Variants in SLC25A23 observed in about 807,000 individuals in gnomAD.
The protein encoded by SLC25A23 is solute carrier family 25 member 23.
SLC25A23 carries 32 observed loss-of-function variants against 53.9 expected under a neutral mutation model. That is an observed-to-expected ratio of 0.59 (90% CI 0.45 to 0.80). The LOEUF is 0.80. Among genes scored for constraint, SLC25A23 ranks in the 30% least tolerant of loss-of-function variants. SLC25A23 has a pLI of 0.00. For synonymous variants in SLC25A23, 275 were observed against 264.5 expected, an observed-to-expected ratio of 1.04 and a Z score of -0.38; for missense variants, 575 against 651.4, an observed-to-expected ratio of 0.88 and a Z score of 1.28.
At position 6,456,134 on chromosome 19, in the gene SLC25A23, G is replaced by A. The variant is rs1447140622; in HGVS notation, c.483+286C>T. On this transcript the variant is annotated intron_variant, in intron 4 of 9. Transcript: ENST00000301454. ...TGGGAGGCCTTGTACCCCATCTGGT[G>A]AGCTCTTTCTTCCCTGTACCCGCAA... 5 of 1,428,464 alleles carry A rather than the reference G, an allele frequency of 3.5e-6. No homozygotes were observed. In the East Asian group the frequency reaches 1.2e-4, roughly 35 times the overall value. The allele number at this position is 1,428,464 out of a possible 1,614,324, so 88.5% of individuals were successfully genotyped here.
At position 6,456,491 on chromosome 19, in the gene SLC25A23, A is replaced by C; in HGVS notation, c.412T>G (p.Trp138Gly). Residue 138 changes from tryptophan to glycine, a missense_variant, in exon 4 of 10, where the codon TGG (tryptophan) becomes GGG (glycine). By Grantham distance (184) the Trp-to-Gly change is radical. Transcript: ENST00000301454. Reference sequence around the variant, plus strand: ...GAATGCAACAGGAAGTGGTCGCGCCATTCTTGCCAGTCAATGGTCATTGTG... The same window carrying C: ...GAATGCAACAGGAAGTGGTCGCGCCCTTCTTGCCAGTCAATGGTCATTGTG... ...DGTMTIDWQE[W>G]RDHFLLHSLE... is the part of the protein sequence containing the mutation. 1 of 1,613,396 alleles carries C rather than the reference A, an allele frequency of 6.2e-7. No homozygotes were observed. The highest frequency in any genetic ancestry group is 1.1e-5 in the South Asian group (1 of 91,048).
At chr19:6,444,932 G>T (rs769594545) in intron 8 of SLC25A23, among the ~76,000 whole-genome samples, 19 of 152,056 alleles carry the variant, frequency 1.2e-4, no homozygotes, top group South Asian at 4.1e-4. Context: ...CTCTCAAAGT[G>T]CTGGGATTAC....
rs369142939 is a variant in SLC25A23, at chr19:6,457,620, T to C, written c.284-30A>G. On this transcript the variant is annotated intron_variant, in intron 2 of 9. Coordinates refer to ENST00000301454, the MANE Select transcript of SLC25A23 (RefSeq NM_024103.3). ...GGAGGGGGCCGGAGGTGGGGAAGGA[T>C]GTGCGTGTGAGGACACCTGGGGAAC... is the stretch of plus-strand genomic sequence containing the variant. The C allele has an allele frequency of 8.1e-6, 13 of 1,600,506 alleles. No individual in the cohort carries two copies. In the African/African-American group the frequency reaches 1.6e-4, roughly 20 times the overall value.
chr19:6,436,508 A>AGC (rs1332555156), downstream of SLC25A23: 1 of 455,080 alleles, frequency 2.2e-6, no homozygotes, highest in African/African-American at 2.0e-5. Context: ...AGAGAGAGAG[A>AGC]GAGAGCATGT....
chr19:6,456,337 T>C (rs1043995144), intron 4 of SLC25A23, 83 bp downstream of exon 4: 28 of 1,397,028 alleles, frequency 2.0e-5, no homozygotes, highest in Non-Finnish European at 2.6e-5. Context: ...GTCCAGCCCA[T>C]CCAAGCCCTG....
In SLC25A23 at chr19:6,454,548, G is replaced by C; in HGVS notation, c.642+11C>G. 1 of 1,613,430 alleles carries C rather than the reference G, an allele frequency of 6.2e-7. No homozygotes were observed. Among genetic ancestry groups the C allele is most frequent in the East Asian group, 2.2e-5 (1 of 44,864 alleles). ...CTGGGGGAGGGGGCAGGTCTCTCCA[G>C]AGCCCCTCACCTGCATGAAGACCTT... On this transcript the variant is annotated intron_variant, in intron 5 of 9. Transcript: ENST00000301454. The surrounding 1 kb of genome is among the most constrained non-coding windows in gnomAD (Gnocchi z 4.3).
intron 1 of SLC25A23, among the ~76,000 whole-genome samples, chr19:6,458,856 G>C (rs745770326): frequency 6.6e-6 from 1 of 152,180 alleles, no homozygotes; most frequent in Non-Finnish European, 1.5e-5. Flanking sequence ...TCTCAGGGTT[G>C]CTGTGGTTCT....
rs768536246 is a variant in SLC25A23 at position 6,459,548 on chromosome 19, G to A, written c.81C>T (p.Gly27=). 1.9e-6 allele frequency: 3 copies of A among 1,598,962 alleles called. No individual in the cohort carries two copies. The East Asian group carries it at 6.8e-5, about 36-fold the overall frequency. Residue 27 remains glycine, a synonymous_variant, in exon 1 of 10, where the codon GGC becomes GGT. Coordinates refer to ENST00000301454, the MANE Select transcript of SLC25A23 (RefSeq NM_024103.3). This position sits in a 1 kb window ranked among gnomAD's most constrained non-coding sequence, Gnocchi z 4.6. ...LFEELDSNKD[G]RVDVHELRQG... The stretch of plus-strand genomic sequence containing the variant: ...GGCGCAACTCGTGCACGTCCACGCG[G>A]CCATCCTTGTTACTGTCCAGCTCCT...
downstream of SLC25A23, chr19:6,436,465 C>A (rs1330193780): frequency 2.2e-6 from 1 of 456,108 alleles, no homozygotes; most frequent in South Asian, 1.5e-5. Context: ...TGACCACCGG[C>A]TTCCTCCAGA....
At chr19:6,439,393 T>TCACACACA (rs1336047683), downstream of SLC25A23, among the ~76,000 whole-genome samples, 2 of 129,426 alleles carry the variant, frequency 1.5e-5, no homozygotes, top group African/African-American at 3.7e-5. Context: ...TATCTCTCTC[T>TCACACACA]CTCTCTCACA....
chr19:6,459,608 G>C lies in SLC25A23; in HGVS notation c.21C>G (p.Asp7Glu). ...GACCCCAGCGCTGCCGCCGCTCCGC[G>C]TCGCCCGGGCTCCCCCGCATGGCGC... is the stretch of plus-strand genomic sequence containing the variant. MRGSPG[D>E]AERRQRWGRL... is the part of the protein sequence containing the mutation. Residue 7 changes from aspartate (D) to glutamate (E), a missense_variant, in exon 1 of 10, where the codon GAC (aspartate) becomes GAG (glutamate). Physicochemically the swap from Asp to Glu is conservative, Grantham distance 45. Transcript: ENST00000301454. The surrounding 1 kb of genome is among the most constrained non-coding windows in gnomAD (Gnocchi z 4.6). 5.9e-6 allele frequency: 9 copies of C among 1,527,564 alleles called. No homozygotes were observed. Among genetic ancestry groups the C allele is most frequent in the Non-Finnish European group, 7.9e-6 (9 of 1,143,796 alleles). The allele number at this position is 1,527,564 out of a possible 1,614,324, so 94.6% of individuals were successfully genotyped here. A position where few individuals can be genotyped will look rare whatever the true frequency, so the allele number is the denominator to read the frequency against.
At chr19:6,442,253 A>G in intron 9 of SLC25A23, 94 bp from the exon 10 acceptor site, 2 of 826,196 alleles carry the variant, frequency 2.4e-6, no homozygotes, top group Non-Finnish European at 1.8e-6. Flanking sequence ...GTGTCATTGC[A>G]GCAGGAGGGA....
chr19:6,452,334 C>T lies in SLC25A23; in HGVS notation c.1049G>A (p.Gly350Asp). Reference sequence around the variant, plus strand: ...GACCTCGTAGACGGCCAGGTCGATGCCCGCATAGGGGATGATGCCCAGCAC... The same window carrying T: ...GACCTCGTAGACGGCCAGGTCGATGTCCGCATAGGGGATGATGCCCAGCAC... ...PNVLGIIPYAGIDLAVYETLK... is the reference protein window; with the variant it reads ...PNVLGIIPYADIDLAVYETLK... The change falls in exon 8 of 10, where the codon GGC becomes GAC. Residue 350 changes from glycine to aspartate, a missense_variant. Gly to Asp is a moderately conservative substitution (Grantham distance 94). Coordinates refer to ENST00000301454, the MANE Select transcript of SLC25A23 (RefSeq NM_024103.3). 3 of 1,612,830 alleles carry T rather than the reference C, an allele frequency of 1.9e-6. No homozygotes were observed. The highest frequency in any genetic ancestry group is 2.2e-5 in the East Asian group (1 of 44,812).
Position 6,442,120 on chromosome 19 carries a change from A to T in SLC25A23, c.1262T>A (p.Leu421Gln). ...CTCCTGGGACAGGATGTGACGTAGC[A>T]GACCCAGCATGGACAGCTGGGGGCC... is the stretch of plus-strand genomic sequence containing the variant. ...EGGPQLSMLG[L>Q]LRHILSQEGM... is the part of the protein sequence containing the mutation. The change falls in exon 10 of 10, where the codon CTG becomes CAG. Residue 421 changes from leucine (L) to glutamine (Q), a missense_variant. Physicochemically the swap from Leu to Gln is moderately radical, Grantham distance 113. Coordinates refer to ENST00000301454, the MANE Select transcript of SLC25A23 (RefSeq NM_024103.3). The T allele has an allele frequency of 6.3e-7, 1 of 1,583,710 alleles. No individual in the cohort carries two copies. The highest frequency in any genetic ancestry group is 1.1e-5 in the South Asian group (1 of 89,496).
At chr19:6,445,980 AG>A (rs1470137967) in intron 8 of SLC25A23, among the ~76,000 whole-genome samples, 1 of 152,028 alleles carries the variant, frequency 6.6e-6, no homozygotes, top group Non-Finnish European at 1.5e-5. Context: ...AAGAGGCTGA[AG>A]TGGGAGGATT....
rs903004693 is a variant in SLC25A23, at chr19:6,442,618, G to A, written c.1223-459C>T. Among the ~76,000 whole-genome samples, 8 of 152,138 alleles carry A rather than the reference G, an allele frequency of 5.3e-5. No homozygotes were observed. In the South Asian group the frequency reaches 6.2e-4, roughly 12 times the overall value. ...GGCTGGAGTGCAATGGTGCAATCTC[G>A]GCTCACTGCAACCTCCGCCTCCCGG... is the stretch of plus-strand genomic sequence containing the variant. On this transcript the variant is annotated intron_variant, in intron 9 of 9. Coordinates refer to ENST00000301454, the MANE Select transcript of SLC25A23 (RefSeq NM_024103.3).
At chr19:6,450,223 C>G (rs558652432) in intron 8 of SLC25A23, among the ~76,000 whole-genome samples, 1 of 151,850 alleles carries the variant, frequency 6.6e-6, no homozygotes, top group African/African-American at 2.4e-5. Flanking sequence ...CCTGATCAGT[C>G]CCCCCCAGAC....
chr19:6,453,935 C>T lies in SLC25A23; in HGVS notation c.903+46G>A, dbSNP rs762792307. The T allele has an allele frequency of 4.0e-6, 6 of 1,490,456 alleles. No homozygotes were observed. The African/African-American group carries it at 4.1e-5, about 10-fold the overall frequency. The allele number at this position is 1,490,456 out of a possible 1,614,324, so 92.3% of individuals were successfully genotyped here. A position where few individuals can be genotyped will look rare whatever the true frequency, so the allele number is the denominator to read the frequency against. On this transcript the variant is annotated intron_variant, in intron 7 of 9. Coordinates refer to ENST00000301454, the MANE Select transcript of SLC25A23 (RefSeq NM_024103.3). ...TGCAGAGTGAGATGGGTACAGCAGG[C>T]CCCCCACCCTGCCATGGGGCCTCCG... is the stretch of plus-strand genomic sequence containing the variant.
At chr19:6,445,169 G>T (rs2092485110) in intron 8 of SLC25A23, among the ~76,000 whole-genome samples, 1 of 151,280 alleles carries the variant, frequency 6.6e-6, no homozygotes, top group Admixed American at 6.6e-5. Context: ...GAGTGCAATG[G>T]TGCAATCTCG....
Sources: allele counts gnomAD v4.1 joint callset (sites outside exome capture counted in the v4.1 genomes callset), GRCh38; gene constraint gnomAD v4.1.1; non-coding constraint Gnocchi (gnomAD v3.1); transcripts MANE v1.5; gene names NCBI Gene and HGNC (gene_info 2026-07-23, HGNC 2026-07-21).